Variants in LARGE1 observed in about 807,000 individuals in gnomAD.
The protein encoded by LARGE1 is LARGE xylosyl- and glucuronyltransferase 1, also known as xylosyl- and glucuronyltransferase LARGE1.
A neutral mutation model predicts 87.6 loss-of-function variants in LARGE1; 43 were observed. That is an observed-to-expected ratio of 0.49 (90% CI 0.38 to 0.63). The LOEUF (loss-of-function observed/expected upper bound fraction) is 0.63, where lower values mean the gene tolerates loss of function less well. LARGE1 is among the 30% of genes least tolerant of loss of function. LARGE1 has a pLI of 0.00. For missense variants in LARGE1, 802 were observed against 1,000.2 expected (o/e 0.80, Z 2.67); for synonymous variants, 434 against 394.6 (o/e 1.10, Z -1.18).
intron 11 of LARGE1, among the ~76,000 whole-genome samples, chr22:33,241,054 C>A (rs1926487134): frequency 6.6e-6 from 1 of 152,210 alleles, no homozygotes; most frequent in Non-Finnish European, 1.5e-5. Flanking sequence ...GGTATCAAGG[C>A]ACTCCCATTT....
At chr22:33,350,951 A>C (rs1940315261) in intron 9 of LARGE1, among the ~76,000 whole-genome samples, 1 of 152,194 alleles carries the variant, frequency 6.6e-6, no homozygotes, top group Non-Finnish European at 1.5e-5. Context: ...ATTAAGAGAA[A>C]AGGGGCTTCT....
intron 7 of LARGE1, among the ~76,000 whole-genome samples, chr22:33,407,832 T>A (rs887538535): frequency 2.0e-5 from 3 of 152,138 alleles, no homozygotes; most frequent in Non-Finnish European, 4.4e-5. Context: ...ATTTCTGTCT[T>A]TGCAGCCTCA....
chr22:33,802,982 A>G (rs1395956451), intron 1 of LARGE1, among the ~76,000 whole-genome samples: 1 of 152,224 alleles, frequency 6.6e-6, no homozygotes, highest in Non-Finnish European at 1.5e-5. Context: ...GTGGGTAGAC[A>G]GACAATTGGA....
intron 5 of LARGE1, among the ~76,000 whole-genome samples, chr22:33,594,890 A>G (rs1326755588): frequency 6.6e-6 from 1 of 152,166 alleles, no homozygotes; most frequent in Non-Finnish European, 1.5e-5. Flanking sequence ...TACAGGCTTG[A>G]GCCACCATAC....
rs1170450606 is a variant in LARGE1, at chr22:33,556,564, G to GAGGC, written c.787+8280_787+8283dup. ...GGAGGGAGGGAGGGAGGGAGGGAGG[G>GAGGC]AGGCAGGCAGGCAGGCAGGCAGGAA... On this transcript the variant is annotated intron_variant, in intron 6 of 14. Coordinates refer to ENST00000397394, the MANE Select transcript of LARGE1 (RefSeq NM_133642.5). Among the ~76,000 whole-genome samples, 9 of 59,950 alleles carry GAGGC rather than the reference G, an allele frequency of 1.5e-4. 1 individual carries two copies. The highest frequency in any genetic ancestry group is 7.9e-4 in the East Asian group (2 of 2,538). 39.3% of individuals were successfully genotyped at this position (59,950 alleles called of 152,430 possible). A position where few individuals can be genotyped will look rare whatever the true frequency, so the allele number is the denominator to read the frequency against.
At chr22:33,608,307 G>C (rs1485896556) in intron 4 of LARGE1, among the ~76,000 whole-genome samples, 3 of 152,150 alleles carry the variant, frequency 2.0e-5, no homozygotes, top group Non-Finnish European at 4.4e-5. Flanking sequence ...CCATATTTCT[G>C]TATCTTTGCT....
intron 6 of LARGE1, among the ~76,000 whole-genome samples, chr22:33,538,685 G>A (rs1357676161): frequency 6.6e-6 from 1 of 152,092 alleles, no homozygotes; most frequent in Non-Finnish European, 1.5e-5. Context: ...CCCACCACGT[G>A]GCAGCCACCA....
chr22:33,702,452 A>G (rs2082429604), intron 2 of LARGE1, among the ~76,000 whole-genome samples: 1 of 152,346 alleles, frequency 6.6e-6, no homozygotes, highest in African/African-American at 2.4e-5. Flanking sequence ...AAGAAAAGCA[A>G]TATAAATGTT....
chr22:33,287,917 T>C (rs1034418127), intron 12 of LARGE1, among the ~76,000 whole-genome samples: 1 of 152,268 alleles, frequency 6.6e-6, no homozygotes, highest in African/African-American at 2.4e-5. Context: ...CGTCTAGCTC[T>C]GACTCTACTA....
At chr22:33,746,806 T>A (rs1200495602) in intron 2 of LARGE1, among the ~76,000 whole-genome samples, 1 of 152,170 alleles carries the variant, frequency 6.6e-6, no homozygotes, top group Non-Finnish European at 1.5e-5. Context: ...GTTGTTACCA[T>A]GCTGGTTATT....
At chr22:33,563,776 A>G (rs1047177620) in intron 6 of LARGE1, among the ~76,000 whole-genome samples, 22 of 152,240 alleles carry the variant, frequency 1.4e-4, no homozygotes, top group African/African-American at 5.1e-4. Flanking sequence ...GACACGAATA[A>G]GAAAAGTAAA....
chr22:33,341,984 G>A (rs924665540), intron 9 of LARGE1, among the ~76,000 whole-genome samples: 1 of 152,172 alleles, frequency 6.6e-6, no homozygotes, highest in African/African-American at 2.4e-5. Flanking sequence ...GAGTAGAGAC[G>A]GCTGGCAGGG....
At chr22:33,588,765 A>G (rs2078752215) in intron 5 of LARGE1, among the ~76,000 whole-genome samples, 1 of 152,200 alleles carries the variant, frequency 6.6e-6, no homozygotes, top group African/African-American at 2.4e-5. Flanking sequence ...GCATGAAGTT[A>G]GGACCCGAAT....
intron 11 of LARGE1, among the ~76,000 whole-genome samples, chr22:33,248,592 T>C (rs1926875359): frequency 6.6e-6 from 1 of 152,218 alleles, no homozygotes; most frequent in African/African-American, 2.4e-5. Context: ...AAGTGCATAG[T>C]TTAGAGTTTA....
chr22:33,156,514 T>C, the LARGE1 span, among the ~76,000 whole-genome samples: 2 of 152,190 alleles, frequency 1.3e-5, no homozygotes, highest in Admixed American at 1.3e-4. Flanking sequence ...ATCACCTTTG[T>C]TTTGGACAAT....
chr22:33,679,880 A>G (rs2081702687), intron 2 of LARGE1, among the ~76,000 whole-genome samples: 1 of 152,198 alleles, frequency 6.6e-6, no homozygotes, highest in African/African-American at 2.4e-5. Context: ...AAAAGAAGTT[A>G]GGAGAGAGGC....
At chr22:33,300,445 G>A (rs1017958464) in intron 12 of LARGE1, among the ~76,000 whole-genome samples, 5 of 152,138 alleles carry the variant, frequency 3.3e-5, no homozygotes, top group Non-Finnish European at 7.4e-5. Context: ...GCACAATCAT[G>A]GCTCACTCTA....
chr22:33,907,095 G>C (rs2065477075), intron 1 of LARGE1, among the ~76,000 whole-genome samples: 1 of 152,124 alleles, frequency 6.6e-6, no homozygotes, highest in South Asian at 2.1e-4. Flanking sequence ...AGGGCTTCCT[G>C]AACCATATAA....
At chr22:33,080,398 G>T in the LARGE1 span, among the ~76,000 whole-genome samples, 1 of 152,296 alleles carries the variant, frequency 6.6e-6, no homozygotes, top group South Asian at 2.1e-4. Context: ...TGGGAATTCC[G>T]TTCCACTCTG....
Sources: allele counts gnomAD v4.1 joint callset (sites outside exome capture counted in the v4.1 genomes callset), GRCh38; gene constraint gnomAD v4.1.1; transcripts MANE v1.5; gene names NCBI Gene and HGNC (gene_info 2026-07-23, HGNC 2026-07-21).